Variants in SASH1 observed in about 807,000 individuals in gnomAD.
SASH1 encodes SAM and SH3 domain containing 1, also known as SAM and SH3 domain-containing protein 1.
In SASH1, 44 loss-of-function variants were observed where a neutral mutation model predicts 125.2. The ratio of observed to expected loss-of-function variants is 0.35; its 90% CI spans 0.28 to 0.45. The LOEUF is 0.45. Ranked by LOEUF, SASH1 falls within the 20% of genes least tolerant of loss-of-function variation. SASH1 has a pLI of 1.00. For missense variants in SASH1, 1,426 were observed against 1,614.5 expected (o/e 0.88, Z 2.00); for synonymous variants, 639 against 649.1 (o/e 0.98, Z 0.24).
intron 2 of SASH1, among the ~76,000 whole-genome samples, chr6:148,431,643 C>T (rs758466903): frequency 1.3e-5 from 2 of 150,846 alleles, no homozygotes; most frequent in African/African-American, 2.4e-5. Context: ...CATGCCTGAC[C>T]GCCCTGCACT....
rs186211748 is a variant in SASH1 at position 148,378,631 on chromosome 6, C to T, written c.157-11503C>T. Among the ~76,000 whole-genome samples, 193 of 152,294 alleles carry T rather than the reference C, an allele frequency of 1.3e-3. 1 individual carries two copies. The highest frequency in any genetic ancestry group is 4.2e-3 in the African/African-American group (175 of 41,554). ...TGCCTTAAAGTGCTGTGATTATCAGCGTGAGCCACCGTGCCTGGTTGATAA... is the reference window on the plus strand; with the variant it reads ...TGCCTTAAAGTGCTGTGATTATCAGTGTGAGCCACCGTGCCTGGTTGATAA... On this transcript the variant is annotated intron_variant, in intron 1 of 19. Coordinates refer to ENST00000367467, the MANE Select transcript of SASH1 (RefSeq NM_015278.5).
At chr6:148,196,869 T>C in the SASH1 span, among the ~76,000 whole-genome samples, 8 of 151,724 alleles carry the variant, frequency 5.3e-5, no homozygotes, top group African/African-American at 1.9e-4. Flanking sequence ...AATTGATGGA[T>C]AGAATTTGGA....
intron 1 of SASH1, among the ~76,000 whole-genome samples, chr6:148,295,821 C>A (rs767694801): frequency 1.8e-4 from 28 of 152,248 alleles, no homozygotes; most frequent in Non-Finnish European, 4.1e-4. Context: ...CAGCAGCCAG[C>A]ACTTCACCTG....
At chr6:148,423,554 T>A (rs1368036694) in intron 2 of SASH1, among the ~76,000 whole-genome samples, 1 of 152,234 alleles carries the variant, frequency 6.6e-6, no homozygotes, top group Non-Finnish European at 1.5e-5. Flanking sequence ...TCCTGTTTGA[T>A]CAGGCTGCAT....
chr6:148,432,577 C>T (rs1294960618), intron 2 of SASH1, among the ~76,000 whole-genome samples: 1 of 152,204 alleles, frequency 6.6e-6, no homozygotes, highest in African/African-American at 2.4e-5. Context: ...CTTTTTCCAC[C>T]TCCTCCTTCC....
At chr6:148,367,826 C>T (rs556329421) in intron 1 of SASH1, among the ~76,000 whole-genome samples, 27 of 152,314 alleles carry the variant, frequency 1.8e-4, no homozygotes, top group Middle Eastern at 3.4e-3. Flanking sequence ...GGACACCCCT[C>T]GGAGGCCTCG....
intron 1 of SASH1, among the ~76,000 whole-genome samples, chr6:148,298,013 TA>T (rs202175355): frequency 0.075 from 10,470 of 138,884 alleles, 388 homozygotes; most frequent in Admixed American, 0.12. Context: ...ATTATATATA[TA>T]TTTTTTTTTT....
At chr6:148,516,149 C>T (rs7746646) in intron 9 of SASH1, among the ~76,000 whole-genome samples, 4,153 of 152,292 alleles carry the variant, frequency 0.027, 199 homozygotes, top group African/African-American at 0.095. Context: ...GGAATTCTGG[C>T]TCTGAACTTT....
At chr6:148,481,259 G>A (rs890622920) in intron 7 of SASH1, among the ~76,000 whole-genome samples, 5 of 152,056 alleles carry the variant, frequency 3.3e-5, no homozygotes, top group Admixed American at 6.6e-5. Context: ...CTCTGGATTC[G>A]GCGTTGGCTT....
intron 1 of SASH1, among the ~76,000 whole-genome samples, chr6:148,286,597 G>C (rs928365626): frequency 2.0e-5 from 3 of 152,080 alleles, no homozygotes; most frequent in Admixed American, 2.0e-4. Flanking sequence ...TCTCTCCTTG[G>C]CTTGAGGCTC....
At chr6:148,227,960 T>TA in the SASH1 span, among the ~76,000 whole-genome samples, 1 of 151,892 alleles carries the variant, frequency 6.6e-6, no homozygotes, top group Admixed American at 6.6e-5. Context: ...CACAATAACA[T>TA]AAAAAAAGTA....
chr6:148,228,146 C>T, the SASH1 span, among the ~76,000 whole-genome samples: 3 of 152,114 alleles, frequency 2.0e-5, no homozygotes, highest in South Asian at 2.1e-4. Flanking sequence ...TAATTGAAGT[C>T]GATTGTGAAG....
chr6:148,369,966 C>CAAAAAAAAAAA (rs562924566), intron 1 of SASH1, among the ~76,000 whole-genome samples: 316 of 93,532 alleles, frequency 3.4e-3, no homozygotes, highest in African/African-American at 4.0e-3. Flanking sequence ...AAAAGAAAAA[C>CAAAAAAAAAAA]AAAAAAAAAA....
rs1230085209 is a variant in SASH1 at position 148,387,604 on chromosome 6, C to G, written c.157-2530C>G. ...TCTTTCTTTCTTTCTTTCTTTCTTT[C>G]TTTCTTTCTTTCTTTCTTTCTTTCT... is the stretch of plus-strand genomic sequence containing the variant. On this transcript the variant is annotated intron_variant, in intron 1 of 19. Transcript: ENST00000367467. 1.1e-3 allele frequency among the ~76,000 whole-genome samples: 18 copies of G among 15,766 alleles called. 2 individuals carry two copies. The highest frequency in any genetic ancestry group is 1.9e-3 in the Non-Finnish European group (16 of 8,594). 10.3% of individuals were successfully genotyped at this position (15,766 alleles called of 152,430 possible).
At chr6:148,200,123 T>A in the SASH1 span, among the ~76,000 whole-genome samples, 2 of 152,192 alleles carry the variant, frequency 1.3e-5, no homozygotes, top group Non-Finnish European at 2.9e-5. Flanking sequence ...CTTTGTTGGG[T>A]TAAAAAATAA....
At chr6:148,311,380 C>T (rs1780325846) in intron 1 of SASH1, among the ~76,000 whole-genome samples, 1 of 151,928 alleles carries the variant, frequency 6.6e-6, no homozygotes, top group Non-Finnish European at 1.5e-5. Flanking sequence ...GCTGGGATTA[C>T]AGGCATGAGC....
At chr6:148,393,891 T>C (rs974843980) in intron 2 of SASH1, 68 of 143,548 alleles carry the variant, frequency 4.7e-4, no homozygotes, top group East Asian at 1.6e-3. Context: ...TCTCTCTCTT[T>C]TTTTTTTTTT....
chr6:148,313,593 A>C (rs1336106603), intron 1 of SASH1, among the ~76,000 whole-genome samples: 3 of 152,198 alleles, frequency 2.0e-5, no homozygotes, highest in Non-Finnish European at 4.4e-5. Context: ...ACCTATGTCG[A>C]GACTTTTTAC....
At chr6:148,348,463 T>C (rs184234084) in intron 1 of SASH1, among the ~76,000 whole-genome samples, 8 of 152,356 alleles carry the variant, frequency 5.3e-5, no homozygotes, top group East Asian at 1.9e-4. Flanking sequence ...CTCTGCCACC[T>C]GGCTTCTTAC....
Sources: gnomAD v4.1 joint callset for allele counts (sites outside exome capture counted in the v4.1 genomes callset) on GRCh38, gnomAD v4.1.1 for gene constraint, MANE v1.5 for transcripts, NCBI Gene and HGNC (gene_info 2026-07-23, HGNC 2026-07-21) for gene names.